Variants in ABHD12 observed in about 807,000 individuals in gnomAD.
The protein encoded by ABHD12 is abhydrolase domain containing 12, lysophospholipase, also known as lysophosphatidylserine lipase ABHD12.
A neutral mutation model predicts 58.3 loss-of-function variants in ABHD12; 43 were observed. That is an observed-to-expected ratio of 0.74 (90% confidence interval 0.58 to 0.95). The LOEUF is 0.95. Among genes scored for constraint, ABHD12 ranks in the 40% least tolerant of loss-of-function variants. The pLI is 0.00. For missense variants in ABHD12, 539 were observed against 537.2 expected (o/e 1.00, Z -0.03); for synonymous variants, 219 against 211.2 (o/e 1.04, Z -0.32).
chr20:25,294,753 A>G, exon 13 of ABHD12: 1 of 647,146 alleles, frequency 1.5e-6, no homozygotes, highest in Non-Finnish European at 2.8e-6. Context: ...TGACATTATA[A>G]TGTAGTTAGT....
intron 1 of ABHD12, among the ~76,000 whole-genome samples, chr20:25,366,345 G>A (rs1214285784): frequency 3.3e-5 from 5 of 150,790 alleles, no homozygotes; most frequent in Non-Finnish European, 5.9e-5. Flanking sequence ...GTGTGATCTC[G>A]GCTTACCGCA....
chr20:25,323,611 A>C (rs953008901), intron 2 of ABHD12, among the ~76,000 whole-genome samples, 181 bp from the exon 3 acceptor site: 7 of 152,246 alleles, frequency 4.6e-5, no homozygotes, highest in Non-Finnish European at 1.0e-4. Context: ...TTTCCTGTGC[A>C]ATCTTACAAT....
chr20:25,383,580 G>C (rs1349225645), intron 1 of ABHD12, among the ~76,000 whole-genome samples: 1 of 152,174 alleles, frequency 6.6e-6, no homozygotes, highest in African/African-American at 2.4e-5. Flanking sequence ...CAGCACTTTG[G>C]GAAGCCGAGG....
At chr20:25,319,089 C>T (rs1261250639) in intron 4 of ABHD12, among the ~76,000 whole-genome samples, 1 of 152,252 alleles carries the variant, frequency 6.6e-6, no homozygotes, top group Non-Finnish European at 1.5e-5. Flanking sequence ...GGCCCCGCAG[C>T]AGCCCTGTCT....
chr20:25,311,739 C>T (rs2088852991), intron 6 of ABHD12, among the ~76,000 whole-genome samples: 1 of 152,172 alleles, frequency 6.6e-6, no homozygotes, highest in South Asian at 2.1e-4. Flanking sequence ...GGGTCTCGCT[C>T]TGTCACTCAG....
intron 1 of ABHD12, chr20:25,339,835 C>A: frequency 2.7e-6 from 3 of 1,114,732 alleles, no homozygotes; most frequent in Non-Finnish European, 3.5e-6. Flanking sequence ...CTGACCAGGT[C>A]CTCAGAGAGC....
chr20:25,302,402 T>C, intron 11 of ABHD12, 56 bp from the exon 12 acceptor site: 1 of 1,607,264 alleles, frequency 6.2e-7, no homozygotes, highest in African/African-American at 1.3e-5. Context: ...GGTCCCAGCC[T>C]GAGGAACACC....
chr20:25,382,743 T>C (rs1331188726), intron 1 of ABHD12, among the ~76,000 whole-genome samples: 1 of 152,112 alleles, frequency 6.6e-6, no homozygotes, highest in East Asian at 1.9e-4. Context: ...AAAGTCACCA[T>C]AGAAGGCGGA....
chr20:25,319,022 A>G (rs928124001), intron 4 of ABHD12, among the ~76,000 whole-genome samples: 16 of 152,146 alleles, frequency 1.1e-4, no homozygotes, highest in African/African-American at 3.9e-4. Flanking sequence ...GGCTCTGCCT[A>G]TAAAATGTTT....
intron 1 of ABHD12, among the ~76,000 whole-genome samples, chr20:25,383,095 CTAATCTG>C (rs1488043839): frequency 6.6e-6 from 1 of 152,104 alleles, no homozygotes; most frequent in Non-Finnish European, 1.5e-5. Context: ...TCCCATCTTC[CTAATCTG>C]TAAAGAAAAG....
chr20:25,372,606 G>A (rs2089912522), intron 1 of ABHD12, among the ~76,000 whole-genome samples: 1 of 152,218 alleles, frequency 6.6e-6, no homozygotes, highest in South Asian at 2.1e-4. Context: ...ACCTGGTCAA[G>A]AATTTTGGAC....
chr20:25,389,471 C>T (rs547917601), intron 1 of ABHD12, among the ~76,000 whole-genome samples: 2 of 152,256 alleles, frequency 1.3e-5, no homozygotes, highest in African/African-American at 4.8e-5. Flanking sequence ...AAAAGAAGTG[C>T]CTCTGCTACA....
intron 2 of ABHD12, among the ~76,000 whole-genome samples, chr20:25,335,836 T>C (rs552339102): frequency 2.4e-4 from 33 of 138,664 alleles, no homozygotes; most frequent in East Asian, 4.6e-4. Context: ...AGGGATAGCA[T>C]TGGGAGATAT....
chr20:25,310,989 G>C (rs73345021), intron 6 of ABHD12, among the ~76,000 whole-genome samples: 28 of 152,200 alleles, frequency 1.8e-4, no homozygotes, highest in Non-Finnish European at 1.5e-4. Context: ...GCATGCAGCA[G>C]AAGAGAACCA....
chr20:25,390,518 C>A lies in ABHD12; in HGVS notation c.186G>T (p.Leu62=). ...CGCTCCGCGCGAAGCCTCACCTGCC[C>A]AGCGCCCGCTTCATTCCCGCGTCGG... ...CAADAGMKRA[L]GRRKGVWLRL... is the part of the protein sequence containing the mutation. Residue 62 remains leucine (L), a synonymous_variant, in exon 1 of 13, where the codon CTG becomes CTT. Coordinates refer to ENST00000339157, the MANE Select transcript of ABHD12 (RefSeq NM_001042472.3). 6.8e-7 allele frequency: 1 copy of A among 1,463,508 alleles called. No homozygotes were observed. Among genetic ancestry groups the A allele is most frequent in the Non-Finnish European group, 9.0e-7 (1 of 1,113,746 alleles). 90.7% of individuals were successfully genotyped at this position (1,463,508 alleles called of 1,614,324 possible). A position where few individuals can be genotyped will look rare whatever the true frequency, so the allele number is the denominator to read the frequency against.
At chr20:25,378,871 C>T (rs1349692043) in intron 1 of ABHD12, among the ~76,000 whole-genome samples, 1 of 152,186 alleles carries the variant, frequency 6.6e-6, no homozygotes, top group Non-Finnish European at 1.5e-5. Context: ...CACACCAACA[C>T]CCATCTGCCC....
chr20:25,341,310 C>T (rs994887973), intron 1 of ABHD12, among the ~76,000 whole-genome samples: 1 of 152,166 alleles, frequency 6.6e-6, no homozygotes, highest in African/African-American at 2.4e-5. Flanking sequence ...AGCTGGGCTA[C>T]CAGGGACAAG....
intron 5 of ABHD12, 151 bp from the exon 6 acceptor site, chr20:25,315,121 G>C: frequency 1.2e-6 from 1 of 854,824 alleles, no homozygotes; most frequent in Admixed American, 2.0e-5. Flanking sequence ...CCTGACTCCT[G>C]GCTGGGTTTT....
chr20:25,377,357 T>A (rs936643566), intron 1 of ABHD12, among the ~76,000 whole-genome samples: 1 of 152,154 alleles, frequency 6.6e-6, no homozygotes, highest in Admixed American at 6.5e-5. Flanking sequence ...CTATTCTTAG[T>A]CAGTTTTTTG....
Sources: gnomAD v4.1 joint callset for allele counts (sites outside exome capture counted in the v4.1 genomes callset) on GRCh38, gnomAD v4.1.1 for gene constraint, MANE v1.5 for transcripts, NCBI Gene and HGNC (gene_info 2026-07-23, HGNC 2026-07-21) for gene names.